Variants in FAM53A observed in about 807,000 individuals in gnomAD.
FAM53A encodes protein FAM53A.
A neutral mutation model predicts 26.6 loss-of-function variants in FAM53A; 28 were observed. The observed-to-expected ratio is 1.05, with a 90% confidence interval of 0.78 to 1.45. FAM53A has a LOEUF of 1.45. Ranked by LOEUF, FAM53A falls within the 40% of genes most tolerant of loss-of-function variation. The pLI is 0.00. For missense variants in FAM53A, 650 were observed against 575.8 expected (o/e 1.13, Z -1.32); for synonymous variants, 290 against 253.1 (o/e 1.15, Z -1.38).
chr4:1,661,514 C>A (rs1226810916), intron 2 of FAM53A, among the ~76,000 whole-genome samples: 1 of 152,160 alleles, frequency 6.6e-6, no homozygotes, highest in East Asian at 1.9e-4. Flanking sequence ...GACCTTCAGG[C>A]CCTACCGCCT....
At chr4:1,582,378 G>A in the FAM53A span, among the ~76,000 whole-genome samples, 6 of 152,250 alleles carry the variant, frequency 3.9e-5, no homozygotes, top group South Asian at 1.0e-3. Flanking sequence ...TGCCACGGAC[G>A]TCACCACCAC....
chr4:1,663,018 C>T (rs1201888339), intron 2 of FAM53A, among the ~76,000 whole-genome samples: 2 of 105,362 alleles, frequency 1.9e-5, no homozygotes, highest in South Asian at 3.8e-4. Context: ...CACGGTGAAA[C>T]CCCGGCTCTA....
At chr4:1,585,279 T>C in the FAM53A span, among the ~76,000 whole-genome samples, 125 of 49,672 alleles carry the variant, frequency 2.5e-3, 1 homozygote, top group Admixed American at 7.3e-3. Flanking sequence ...TCTCTCTCTT[T>C]TTTTTTTTTT....
At chr4:1,581,894 ATT>A in the FAM53A span, among the ~76,000 whole-genome samples, 3,262 of 145,332 alleles carry the variant, frequency 0.022, 107 homozygotes, top group African/African-American at 0.074. Flanking sequence ...CATGCCCAGC[ATT>A]TTTTTTTTTT....
rs545326687 is a variant in FAM53A, at chr4:1,621,948, G to A, written c.432-3837C>T. ...CTGATGGGAAGTGTTTGGGTCGGAC[G>A]GCACCGCATTCATGAACGAATCGAT... On this transcript the variant is annotated intron_variant, in intron 1 of 1. Transcript: ENST00000489029. Among the ~76,000 whole-genome samples the A allele has an allele frequency of 3.3e-5, 5 of 152,266 alleles. No individual in the cohort carries two copies. The South Asian group carries it at 6.2e-4, about 19-fold the overall frequency.
At chr4:1,679,786 C>T (rs570647883) in intron 1 of FAM53A, among the ~76,000 whole-genome samples, 1 of 149,906 alleles carries the variant, frequency 6.7e-6, no homozygotes, top group Non-Finnish European at 1.5e-5. Flanking sequence ...TGGTGGCTCA[C>T]GCCTATAATC....
chr4:1,605,144 C>T, the FAM53A span, among the ~76,000 whole-genome samples: 1 of 152,202 alleles, frequency 6.6e-6, no homozygotes. This position sits in a 1 kb window ranked among gnomAD's most constrained non-coding sequence, Gnocchi z 5.7. Context: ...CGGCTTCCAC[C>T]GGGCAATTTC....
intron 4 of FAM53A, chr4:1,644,211 C>T (rs1560141004): frequency 2.0e-6 from 3 of 1,536,006 alleles, no homozygotes; most frequent in Non-Finnish European, 2.6e-6. Flanking sequence ...GGTTTCCTTC[C>T]ATTTCAAACC....
intron 1 of FAM53A, among the ~76,000 whole-genome samples, chr4:1,621,579 A>G (rs567778568): frequency 1.3e-5 from 2 of 152,274 alleles, no homozygotes; most frequent in East Asian, 3.9e-4. Context: ...CAGCCTCCAC[A>G]GCGGGGAGCG....
chr4:1,655,100 C>G lies in FAM53A; in HGVS notation c.760G>C (p.Gly254Arg), dbSNP rs1206099114. ...GGCTGTGAGCGGCACCGGAGCAGCC[C>G]ACGGCGCCCGCCCAGCGCAGGCGTG... ...TSTPALGGRR[G>R]LLRCRSQPCV... The change falls in exon 4 of 5, where the codon GGG (glycine) becomes CGG (arginine). Residue 254 changes from glycine (G) to arginine (R), a missense_variant. Coordinates refer to ENST00000308132, the MANE Select transcript of FAM53A (RefSeq NM_001174070.3). 1 of 1,601,622 alleles carries G rather than the reference C, an allele frequency of 6.2e-7. No individual in the cohort carries two copies. Among genetic ancestry groups the G allele is most frequent in the South Asian group, 1.1e-5 (1 of 89,664 alleles).
Position 1,655,364 on chromosome 4 carries a change from C to T in FAM53A, c.496G>A (p.Gly166Ser), listed in dbSNP as rs753341886. 1.6e-4 allele frequency: 225 copies of T among 1,441,496 alleles called. No homozygotes were observed. The highest frequency in any genetic ancestry group is 2.0e-4 in the Non-Finnish European group (215 of 1,098,430). 89.3% of individuals were successfully genotyped at this position (1,441,496 alleles called of 1,614,324 possible). Residue 166 changes from glycine to serine, a missense_variant, in exon 4 of 5, where the codon GGC (glycine) becomes AGC (serine). Physicochemically the swap from Gly to Ser is moderately conservative, Grantham distance 56 (BLOSUM62 0). Transcript: ENST00000308132. The part of the protein sequence containing the change: ...GGSATRQGSP[G>S]AVLPRSAVWS... Reference sequence around the variant, plus strand: ...ACAGCACTCCTCGGCAGGACGGCGCCGGGGCTTCCCTGCCGCGTGGCACTC... The same window carrying T: ...ACAGCACTCCTCGGCAGGACGGCGCTGGGGCTTCCCTGCCGCGTGGCACTC...
chr4:1,637,197 T>C (rs1326385770), downstream of FAM53A, among the ~76,000 whole-genome samples: 3 of 116,344 alleles, frequency 2.6e-5, no homozygotes, highest in East Asian at 2.8e-4. Flanking sequence ...GGGTGGGGGG[T>C]GGGGGCGGGG....
the FAM53A span, among the ~76,000 whole-genome samples, chr4:1,595,965 C>G: frequency 1.3e-5 from 2 of 152,240 alleles, no homozygotes; most frequent in Non-Finnish European, 2.9e-5. Flanking sequence ...GCCCAAGGCA[C>G]GGCTGAGCTC....
At chr4:1,595,912 A>C in the FAM53A span, among the ~76,000 whole-genome samples, 1 of 152,180 alleles carries the variant, frequency 6.6e-6, no homozygotes, top group Non-Finnish European at 1.5e-5. Flanking sequence ...GCAGGTGCTC[A>C]GTGATGGTCC....
At chr4:1,662,833 A>C (rs779741809) in intron 2 of FAM53A, among the ~76,000 whole-genome samples, 1 of 152,190 alleles carries the variant, frequency 6.6e-6, no homozygotes. Context: ...CCACAATGAG[A>C]TACCACTCCA....
chr4:1,591,001 T>TATATATATATAA, the FAM53A span, among the ~76,000 whole-genome samples: 3 of 125,744 alleles, frequency 2.4e-5, no homozygotes, highest in Admixed American at 8.0e-5. Context: ...TATATATATA[T>TATATATATATAA]AATCATTCTA....
the FAM53A span, among the ~76,000 whole-genome samples, chr4:1,588,829 A>G: frequency 2.0e-5 from 3 of 152,236 alleles, no homozygotes; most frequent in Non-Finnish European, 4.4e-5. Flanking sequence ...ATGGACAATG[A>G]TACAATGATC....
rs1047018505 is a variant in FAM53A at position 1,663,988 on chromosome 4, C to G, written c.75+4679G>C. On this transcript the variant is annotated intron_variant, in intron 2 of 4. Transcript: ENST00000308132. ...GGAGGGGAGCGCACGAGGCGGCAGC[C>G]GGGGCATGCAGCCTGGACACTCCGG... Among the ~76,000 whole-genome samples the G allele has an allele frequency of 2.1e-4, 32 of 152,178 alleles. 1 individual carries two copies. The highest frequency in any genetic ancestry group is 1.3e-4 in the Non-Finnish European group (9 of 68,038).
intron 2 of FAM53A, among the ~76,000 whole-genome samples, chr4:1,657,715 G>T (rs970121059): frequency 1.3e-5 from 2 of 151,702 alleles, no homozygotes; most frequent in Non-Finnish European, 2.9e-5. Context: ...TCGGCTCACT[G>T]CAAGCTCCGC....
Sources: gnomAD v4.1 joint callset for allele counts (sites outside exome capture counted in the v4.1 genomes callset) on GRCh38, gnomAD v4.1.1 for gene constraint, Gnocchi (gnomAD v3.1) non-coding constraint, MANE v1.5 for transcripts, NCBI Gene and HGNC (gene_info 2026-07-23, HGNC 2026-07-21) for gene names.